ABCD2: variants seen among roughly 807,000 people sequenced by gnomAD.
The protein encoded by ABCD2 is ATP-binding cassette sub-family D member 2.
A neutral mutation model predicts 70.9 loss-of-function variants in ABCD2; 36 were observed. The observed-to-expected ratio is 0.51, with a 90% confidence interval of 0.39 to 0.67. The LOEUF (loss-of-function observed/expected upper bound fraction) is 0.67, where lower values mean the gene tolerates loss of function less well. ABCD2 is among the 30% of genes least tolerant of loss of function. ABCD2 has a pLI of 0.00. For missense variants in ABCD2, 729 were observed against 890.2 expected (o/e 0.82, Z 2.30); for synonymous variants, 304 against 306.9 (o/e 0.99, Z 0.10).
At chr12:39,605,610 G>T (rs1192084697) in intron 3 of ABCD2, among the ~76,000 whole-genome samples, 2 of 152,006 alleles carry the variant, frequency 1.3e-5, no homozygotes, top group Non-Finnish European at 2.9e-5. Flanking sequence ...ATGGTGCCTT[G>T]TTCCTATTCT....
chr12:39,548,685 T>G (rs1171289491), downstream of ABCD2, among the ~76,000 whole-genome samples: 1 of 151,540 alleles, frequency 6.6e-6, no homozygotes, highest in Non-Finnish European at 1.5e-5. Context: ...ATATTTAATA[T>G]ATACAAATTA....
intron 9 of ABCD2, among the ~76,000 whole-genome samples, chr12:39,564,417 T>C (rs1372743240): frequency 1.3e-5 from 2 of 152,270 alleles, no homozygotes; most frequent in Non-Finnish European, 2.9e-5. Context: ...TTTGGCTGCA[T>C]AAATGTCTTC....
intron 5 of ABCD2, 60 bp from the exon 6 acceptor site, chr12:39,600,776 C>A: frequency 1.4e-6 from 2 of 1,416,068 alleles, no homozygotes; most frequent in Non-Finnish European, 1.9e-6. Context: ...TTTGGCAGCA[C>A]CTAAAAGTAA....
At chr12:39,573,020 T>C (rs1021845076) in intron 9 of ABCD2, among the ~76,000 whole-genome samples, 4 of 152,184 alleles carry the variant, frequency 2.6e-5, no homozygotes, top group Non-Finnish European at 5.9e-5. Flanking sequence ...GTATCTCACT[T>C]TTCTAGTTCT....
intron 9 of ABCD2, among the ~76,000 whole-genome samples, chr12:39,566,669 C>T (rs1192359167): frequency 6.6e-6 from 1 of 152,096 alleles, no homozygotes; most frequent in Non-Finnish European, 1.5e-5. Flanking sequence ...TTGCCTTCTG[C>T]TAGCTTTTGA....
At chr12:39,616,958 A>T (rs1198447934) in intron 2 of ABCD2, 30 bp downstream of exon 2, 7 of 1,546,828 alleles carry the variant, frequency 4.5e-6, no homozygotes, top group Non-Finnish European at 6.1e-6. Flanking sequence ...TGTTAAAAAT[A>T]TATTTGAGAT....
rs555453183 is a variant in ABCD2 at position 39,566,207 on chromosome 12, C to T, written c.2003+7509G>A. 5.3e-5 allele frequency among the ~76,000 whole-genome samples: 8 copies of T among 152,280 alleles called. 2 individuals carry two copies. In the South Asian group the frequency reaches 1.5e-3, roughly 28 times the overall value. Reference sequence around the variant, plus strand: ...TGGAATAGTTTCAGAAAGAATGGTACCAGTTCCTCCTTGTACCTCTGGTAG... The same window carrying T: ...TGGAATAGTTTCAGAAAGAATGGTATCAGTTCCTCCTTGTACCTCTGGTAG... On this transcript the variant is annotated intron_variant, in intron 9 of 9. Transcript: ENST00000308666.
intron 1 of ABCD2, among the ~76,000 whole-genome samples, chr12:39,618,143 C>T (rs1592002456): frequency 1.3e-5 from 2 of 152,002 alleles, no homozygotes; most frequent in East Asian, 3.9e-4. Flanking sequence ...GAGACACTCT[C>T]CTACGCTTCT....
At chr12:39,537,925 G>T in the ABCD2 span, among the ~76,000 whole-genome samples, 2 of 152,138 alleles carry the variant, frequency 1.3e-5, no homozygotes, top group Admixed American at 6.5e-5. Context: ...TATTACAGAT[G>T]AATCAGAATG....
At chr12:39,587,321 G>A (rs916318110) in intron 6 of ABCD2, among the ~76,000 whole-genome samples, 7 of 152,044 alleles carry the variant, frequency 4.6e-5, no homozygotes, top group African/African-American at 1.7e-4. Flanking sequence ...CTTACAGCAG[G>A]GTTTCTCAAC....
At chr12:39,572,267 C>T (rs952169025) in intron 9 of ABCD2, among the ~76,000 whole-genome samples, 1 of 152,146 alleles carries the variant, frequency 6.6e-6, no homozygotes, top group Non-Finnish European at 1.5e-5. Flanking sequence ...TATGTCCCAA[C>T]ATGTGATTAA....
intron 8 of ABCD2, 141 bp downstream of exon 8, chr12:39,579,394 C>T: frequency 1.6e-6 from 1 of 616,800 alleles, no homozygotes. Context: ...CAACTGTGAA[C>T]TCTATGCACT....
At chr12:39,565,018 T>G (rs1288174356) in intron 9 of ABCD2, among the ~76,000 whole-genome samples, 1 of 152,214 alleles carries the variant, frequency 6.6e-6, no homozygotes, top group Non-Finnish European at 1.5e-5. Flanking sequence ...ACCATGCTGT[T>G]TTGTTTACTG....
At chr12:39,564,473 G>A (rs1566537224) in intron 9 of ABCD2, among the ~76,000 whole-genome samples, 1 of 152,060 alleles carries the variant, frequency 6.6e-6, no homozygotes, top group African/African-American at 2.4e-5. Flanking sequence ...TTTTGATGGG[G>A]TTGTTTGTTT....
chr12:39,613,577 T>C (rs1473141248), intron 2 of ABCD2, among the ~76,000 whole-genome samples: 2 of 152,144 alleles, frequency 1.3e-5, no homozygotes, highest in African/African-American at 4.8e-5. Flanking sequence ...TTTGGTCCCA[T>C]GGTTACTCTG....
At chr12:39,609,725 A>T (rs1483784506) in intron 2 of ABCD2, among the ~76,000 whole-genome samples, 1 of 152,180 alleles carries the variant, frequency 6.6e-6, no homozygotes, top group African/African-American at 2.4e-5. Context: ...TTTCAGTGCA[A>T]ATATATACTT....
chr12:39,573,724 A>T lies in ABCD2; in HGVS notation c.1995T>A (p.Pro665=), dbSNP rs1941478699. Residue 665 remains proline (P), a synonymous_variant, in exon 9 of 10, where the codon CCT becomes CCA. Transcript: ENST00000308666. ...GCACTAGAAACACTTACCAAAGAGA[A>T]GGTCTGTGTGTTATAGACAGTAAGG... The part of the protein sequence containing the change: ...GISLLSITHR[P]SLWKYHTHLL... 6.2e-7 allele frequency: 1 copy of T among 1,604,636 alleles called. No homozygotes were observed. Among genetic ancestry groups the T allele is most frequent in the Admixed American group, 1.7e-5 (1 of 58,460 alleles).
rs1163266610 is a variant in ABCD2 at position 39,607,655 on chromosome 12, T to G, written c.1180A>C (p.Asn394His). ...ERTEAFTTAR[N>H]LLASGADAIE... ...GCATCAGCTCCAGAGGCCAGTAAATTTCGAGCAGTGGTAAAGGCTTCTGTC... is the reference window on the plus strand; with the variant it reads ...GCATCAGCTCCAGAGGCCAGTAAATGTCGAGCAGTGGTAAAGGCTTCTGTC... The change falls in exon 3 of 10, where the codon AAT (asparagine) becomes CAT (histidine). Residue 394 changes from asparagine to histidine, a missense_variant. By Grantham distance (68) the Asn-to-His change is moderately conservative. This residue lies in a region of ABCD2 where 195 missense variants were observed against 300.2 expected (regional missense o/e 0.65). Transcript: ENST00000308666. 9.3e-6 allele frequency: 15 copies of G among 1,613,766 alleles called. No homozygotes were observed. Among genetic ancestry groups the G allele is most frequent in the African/African-American group, 1.3e-5 (1 of 74,884 alleles).
intron 3 of ABCD2, among the ~76,000 whole-genome samples, chr12:39,605,175 G>C (rs1174979008): frequency 6.6e-6 from 1 of 151,828 alleles, no homozygotes; most frequent in Non-Finnish European, 1.5e-5. Context: ...TGACACTTAA[G>C]GATCTTTCAG....
Sources: gnomAD v4.1 joint callset for allele counts (sites outside exome capture counted in the v4.1 genomes callset) on GRCh38, gnomAD v4.1.1 for gene constraint, gnomAD v4.1.1 regional missense constraint, MANE v1.5 for transcripts, NCBI Gene and HGNC (gene_info 2026-07-23, HGNC 2026-07-21) for gene names.